CHRM3: variants seen among roughly 807,000 people sequenced by gnomAD.
CHRM3 encodes the protein muscarinic acetylcholine receptor M3.
CHRM3 carries 11 observed loss-of-function variants against 41.8 expected under a neutral mutation model. The observed-to-expected ratio is 0.26, with a 90% CI of 0.17 to 0.44. The LOEUF is 0.44. CHRM3 is among the 20% of genes least tolerant of loss of function. The probability of loss-of-function intolerance (pLI) is 1.00; values close to 1 mark genes in which losing one functional copy is unlikely to be tolerated. For missense variants in CHRM3, 571 were observed against 745.4 expected (o/e 0.77, Z 2.72); for synonymous variants, 297 against 301.4 (o/e 0.99, Z 0.15).
chr1:239,746,789 G>T (rs556829788), intron 5 of CHRM3, among the ~76,000 whole-genome samples: 2 of 150,440 alleles, frequency 1.3e-5, no homozygotes, highest in South Asian at 4.2e-4. Context: ...ACAGAGTTTC[G>T]CTCTGTCACC....
At chr1:239,602,245 C>G (rs947254305) in intron 3 of CHRM3, among the ~76,000 whole-genome samples, 20 of 151,688 alleles carry the variant, frequency 1.3e-4, no homozygotes, top group Admixed American at 1.2e-3. Flanking sequence ...CGCCCGTCTT[C>G]CGCCTCAGCC....
intron 3 of CHRM3, among the ~76,000 whole-genome samples, chr1:239,609,918 C>T (rs781484831): frequency 6.6e-6 from 1 of 152,068 alleles, no homozygotes; most frequent in South Asian, 2.1e-4. Flanking sequence ...ATAGGCCGGG[C>T]GCAGTGGCTC....
At position 239,480,569 on chromosome 1, in the gene CHRM3, T is replaced by TTTG. The variant is rs1174910998; in HGVS notation, c.-520-12136_-520-12134dup. ...TTTTTTTTTTTTTTTTTTTTTTTTTTTTGTTGAGACGGAGTCTAGCTCTGT... is the reference window on the plus strand; with the variant it reads ...TTTTTTTTTTTTTTTTTTTTTTTTTTTTGTTGTTGAGACGGAGTCTAGCTCTGT... On this transcript the variant is annotated intron_variant, in intron 1 of 6. Coordinates refer to ENST00000676153, the MANE Select transcript of CHRM3 (RefSeq NM_001375978.1). Among the ~76,000 whole-genome samples the TTTG allele has an allele frequency of 1.7e-3, 236 of 135,418 alleles. 2 individuals carry two copies. Among genetic ancestry groups the TTTG allele is most frequent in the African/African-American group, 6.2e-3 (228 of 36,802 alleles). The allele number at this position is 135,418 out of a possible 152,430, so 88.8% of individuals were successfully genotyped here.
At chr1:239,402,991 T>C (rs776393448) in intron 1 of CHRM3, among the ~76,000 whole-genome samples, 19 of 152,316 alleles carry the variant, frequency 1.2e-4, no homozygotes, top group Non-Finnish European at 2.2e-4. Context: ...ATTAGTTAAA[T>C]TTACGGATGT....
chr1:239,529,637 A>AAC (rs746784994), intron 2 of CHRM3, among the ~76,000 whole-genome samples: 3 of 45,254 alleles, frequency 6.6e-5, no homozygotes, highest in Admixed American at 1.9e-4. Context: ...AAAAACAAAC[A>AAC]AACAACAACA....
rs189607643 is a variant in CHRM3 at position 239,532,766 on chromosome 1, A to C, written c.-421-12875A>C. On this transcript the variant is annotated intron_variant, in intron 2 of 6. Coordinates refer to ENST00000676153, the MANE Select transcript of CHRM3 (RefSeq NM_001375978.1). ...TATTGAAAAAAGATGATTAAGAAGA[A>C]TACCCTCTGGTGAAGTTTAATATAA... is the stretch of plus-strand genomic sequence containing the variant. Among the ~76,000 whole-genome samples the C allele has an allele frequency of 1.0e-3, 157 of 152,322 alleles. 1 individual carries two copies. The highest frequency in any genetic ancestry group is 1.8e-3 in the Non-Finnish European group (123 of 68,034).
chr1:239,454,386 G>T (rs545987345), intron 1 of CHRM3, among the ~76,000 whole-genome samples: 54 of 152,264 alleles, frequency 3.5e-4, no homozygotes, highest in Admixed American at 2.6e-4. Flanking sequence ...AACAAATTGT[G>T]GAGGAAGGGG....
chr1:239,687,761 A>G (rs1659289806), intron 5 of CHRM3, among the ~76,000 whole-genome samples: 1 of 152,090 alleles, frequency 6.6e-6, no homozygotes, highest in Admixed American at 6.6e-5. Context: ...TAGCACAAAT[A>G]CCATTGTGTT....
chr1:239,669,489 T>C (rs772394452), intron 4 of CHRM3, among the ~76,000 whole-genome samples: 32 of 152,226 alleles, frequency 2.1e-4, no homozygotes, highest in Non-Finnish European at 1.5e-4. Flanking sequence ...GCACTAAATA[T>C]CATTATTGTT....
chr1:239,875,500 C>T (rs183499132), intron 6 of CHRM3, among the ~76,000 whole-genome samples: 2 of 152,316 alleles, frequency 1.3e-5, no homozygotes, highest in East Asian at 1.9e-4. Flanking sequence ...TATTCTCAAT[C>T]GTCTTTATAT....
At chr1:239,738,465 G>T (rs967316858) in intron 5 of CHRM3, among the ~76,000 whole-genome samples, 1 of 152,134 alleles carries the variant, frequency 6.6e-6, no homozygotes, top group Admixed American at 6.5e-5. Flanking sequence ...CCAAGGCCAG[G>T]CTCAGGGGGG....
chr1:239,393,331 T>G (rs1659204490), intron 1 of CHRM3, among the ~76,000 whole-genome samples: 1 of 152,234 alleles, frequency 6.6e-6, no homozygotes, highest in Non-Finnish European at 1.5e-5. Context: ...TTTTCAATTT[T>G]CTTAGTGCAA....
chr1:239,502,409 A>G (rs1300949874), intron 2 of CHRM3, among the ~76,000 whole-genome samples: 1 of 152,148 alleles, frequency 6.6e-6, no homozygotes, highest in East Asian at 1.9e-4. Flanking sequence ...TGAACAGACC[A>G]ATAACAAGCA....
At chr1:239,592,018 G>A (rs890450442) in intron 3 of CHRM3, among the ~76,000 whole-genome samples, 1 of 152,144 alleles carries the variant, frequency 6.6e-6, no homozygotes, top group African/African-American at 2.4e-5. Context: ...CTAGAGCTCT[G>A]AGCTGGCAGA....
chr1:239,802,798 A>G (rs1670321759), intron 5 of CHRM3, among the ~76,000 whole-genome samples: 3 of 152,098 alleles, frequency 2.0e-5, no homozygotes, highest in Admixed American at 6.5e-5. Context: ...GGGTTTCACC[A>G]TGTTACCCAG....
At chr1:239,518,813 T>C (rs1234828025) in intron 2 of CHRM3, among the ~76,000 whole-genome samples, 2 of 152,208 alleles carry the variant, frequency 1.3e-5, no homozygotes, top group Non-Finnish European at 2.9e-5. Context: ...ATCCCATCCC[T>C]TCTCCTCCTG....
chr1:239,410,572 G>A (rs962591066), intron 1 of CHRM3, among the ~76,000 whole-genome samples: 1 of 152,110 alleles, frequency 6.6e-6, no homozygotes, highest in Non-Finnish European at 1.5e-5. Context: ...TTCTGGCCAC[G>A]GCGAGACAGC....
chr1:239,458,097 A>AT (rs1180812793), intron 1 of CHRM3, among the ~76,000 whole-genome samples: 1 of 152,184 alleles, frequency 6.6e-6, no homozygotes, highest in Non-Finnish European at 1.5e-5. Context: ...AGAAGCTTAC[A>AT]TTATACTTGG....
At chr1:239,745,761 G>A (rs1665297856) in intron 5 of CHRM3, among the ~76,000 whole-genome samples, 2 of 152,038 alleles carry the variant, frequency 1.3e-5, no homozygotes, top group Admixed American at 1.3e-4. Flanking sequence ...TCAAAAATTA[G>A]AAGTAAAAGT....
Sources: gnomAD v4.1 joint callset for allele counts (sites outside exome capture counted in the v4.1 genomes callset) on GRCh38, gnomAD v4.1.1 for gene constraint, MANE v1.5 for transcripts, NCBI Gene and HGNC (gene_info 2026-07-23, HGNC 2026-07-21) for gene names.